SHISA9: variants seen among roughly 807,000 people sequenced by gnomAD.
The protein encoded by SHISA9 is shisa family member 9, also known as protein shisa-9.
Under a neutral mutation model 38.0 loss-of-function variants are expected in SHISA9, and 13 were observed. That is an observed-to-expected ratio of 0.34 (90% CI 0.22 to 0.54). SHISA9 has a LOEUF of 0.54. Among genes scored for constraint, SHISA9 ranks in the 20% least tolerant of loss-of-function variants. The pLI is 0.91. For synonymous variants in SHISA9, 275 were observed against 242.0 expected, an observed-to-expected ratio of 1.14 and a Z score of -1.27; for missense variants, 538 against 575.8, an observed-to-expected ratio of 0.93 and a Z score of 0.67.
At chr16:12,969,936 C>A (rs1596555736) in intron 2 of SHISA9, among the ~76,000 whole-genome samples, 1 of 151,954 alleles carries the variant, frequency 6.6e-6, no homozygotes, top group East Asian at 1.9e-4. Context: ...TGTCACAGAT[C>A]TAAAAGATAT....
intron 2 of SHISA9, among the ~76,000 whole-genome samples, chr16:13,194,960 G>C (rs1265991338): frequency 6.6e-6 from 1 of 152,216 alleles, no homozygotes; most frequent in African/African-American, 2.4e-5. Context: ...TCATCTGACA[G>C]TGAGTTAGAG....
chr16:13,198,197 A>AAT (rs927168548), intron 2 of SHISA9, among the ~76,000 whole-genome samples: 7 of 151,890 alleles, frequency 4.6e-5, no homozygotes, highest in Admixed American at 4.6e-4. Context: ...AAAAAAAATT[A>AAT]ATATATGTGT....
chr16:13,331,210 G>A, the SHISA9 span, among the ~76,000 whole-genome samples: 2 of 152,142 alleles, frequency 1.3e-5, no homozygotes, highest in Admixed American at 6.5e-5. Context: ...CAGAGGGCAT[G>A]GGGATAGAGA....
the SHISA9 span, among the ~76,000 whole-genome samples, chr16:13,309,006 A>G: frequency 6.6e-6 from 1 of 152,224 alleles, no homozygotes; most frequent in African/African-American, 2.4e-5. Context: ...TTTCTCTAAC[A>G]AGGTCTATAC....
chr16:13,526,522 T>A, the SHISA9 span, among the ~76,000 whole-genome samples: 1 of 152,108 alleles, frequency 6.6e-6, no homozygotes, highest in Admixed American at 6.5e-5. Context: ...TGGCTGGGAT[T>A]ACAGGTGTGC....
intron 1 of SHISA9, among the ~76,000 whole-genome samples, chr16:12,915,993 TTTTG>T (rs200453922): frequency 2.1e-5 from 2 of 94,316 alleles, no homozygotes; most frequent in Non-Finnish European, 5.5e-5. Flanking sequence ...TGAGTTTTTT[TTTTG>T]TGTGTGTGTG....
intron 3 of SHISA9, among the ~76,000 whole-genome samples, chr16:13,205,074 C>T (rs1429303624): frequency 6.6e-6 from 1 of 152,132 alleles, no homozygotes; most frequent in Non-Finnish European, 1.5e-5. Flanking sequence ...CAATGGTTCT[C>T]ACATGTGGAT....
At chr16:13,073,916 C>T (rs1024690872) in intron 2 of SHISA9, among the ~76,000 whole-genome samples, 2 of 151,260 alleles carry the variant, frequency 1.3e-5, no homozygotes, top group Admixed American at 6.6e-5. Context: ...TGGTTTCAGA[C>T]TTCTGGCCTC....
intron 2 of SHISA9, among the ~76,000 whole-genome samples, chr16:13,196,154 T>C (rs970367227): frequency 2.1e-5 from 3 of 143,532 alleles, no homozygotes; most frequent in African/African-American, 7.8e-5. Context: ...TCCCAGCACT[T>C]TGAGAGGCTG....
chr16:13,126,197 G>A (rs2050255005), intron 2 of SHISA9, among the ~76,000 whole-genome samples: 1 of 152,196 alleles, frequency 6.6e-6, no homozygotes, highest in Admixed American at 6.5e-5. Context: ...GGAGAGGGAT[G>A]CAGAGGCTGC....
chr16:13,227,706 T>C (rs1555473501), intron 4 of SHISA9, among the ~76,000 whole-genome samples: 1 of 152,258 alleles, frequency 6.6e-6, no homozygotes, highest in Non-Finnish European at 1.5e-5. Flanking sequence ...AAATCCCAGC[T>C]GTAATGTTAG....
chr16:13,017,124 A>AT (rs1405726685), intron 2 of SHISA9, among the ~76,000 whole-genome samples: 2 of 150,348 alleles, frequency 1.3e-5, no homozygotes, highest in Non-Finnish European at 2.9e-5. Flanking sequence ...GGTTTAAGTG[A>AT]TTCTCCTGCT....
At chr16:12,941,828 G>A (rs1042661336) in intron 2 of SHISA9, among the ~76,000 whole-genome samples, 4 of 152,184 alleles carry the variant, frequency 2.6e-5, no homozygotes, top group African/African-American at 9.7e-5. Context: ...TCCAGTCTTG[G>A]TGACAGAGCA....
chr16:13,098,602 G>T (rs1428806885), intron 2 of SHISA9, among the ~76,000 whole-genome samples: 1 of 152,216 alleles, frequency 6.6e-6, no homozygotes, highest in African/African-American at 2.4e-5. Context: ...GAGGCCTGGA[G>T]AAAGTGACTT....
the SHISA9 span, among the ~76,000 whole-genome samples, chr16:13,396,527 AG>A: frequency 6.6e-6 from 1 of 152,180 alleles, no homozygotes; most frequent in South Asian, 2.1e-4. Flanking sequence ...ATCAATATTA[AG>A]GGCTCATGGC....
At chr16:13,524,096 G>C in the SHISA9 span, among the ~76,000 whole-genome samples, 2 of 152,088 alleles carry the variant, frequency 1.3e-5, no homozygotes, top group African/African-American at 4.8e-5. Context: ...TGATGTTCTT[G>C]ACCATTATGC....
intron 2 of SHISA9, among the ~76,000 whole-genome samples, chr16:12,927,877 G>T (rs1425778678): frequency 6.6e-6 from 1 of 152,108 alleles, no homozygotes; most frequent in African/African-American, 2.4e-5. Context: ...GGGAGCTTTA[G>T]GTACCATCTT....
the SHISA9 span, among the ~76,000 whole-genome samples, chr16:13,432,285 A>T: frequency 3.9e-5 from 6 of 152,188 alleles, no homozygotes; most frequent in Non-Finnish European, 8.8e-5. Context: ...TTTAGCATAG[A>T]TGCCTGTTCC....
chr16:13,134,233 G>A (rs1479246085), intron 2 of SHISA9, among the ~76,000 whole-genome samples: 2 of 152,058 alleles, frequency 1.3e-5, no homozygotes, highest in Non-Finnish European at 2.9e-5. Flanking sequence ...TTGTGAAATA[G>A]GGAACAGTAA....
Sources: allele counts gnomAD v4.1 joint callset (sites outside exome capture counted in the v4.1 genomes callset), GRCh38; gene constraint gnomAD v4.1.1; transcripts MANE v1.5; gene names NCBI Gene and HGNC (gene_info 2026-07-23, HGNC 2026-07-21).